The following RBFOX1 variants were observed in gnomAD, a reference collection of about 807,000 sequenced individuals.
RBFOX1 encodes the protein RNA binding fox-1 homolog 1, also known as RNA binding protein fox-1 homolog 1.
A neutral mutation model predicts 57.7 loss-of-function variants in RBFOX1; 8 were observed. The observed-to-expected ratio is 0.14, with a 90% CI of 0.08 to 0.25. RBFOX1 has a LOEUF of 0.25. Ranked by LOEUF, RBFOX1 falls within the 10% of genes least tolerant of loss-of-function variation. The pLI is 1.00. For missense variants in RBFOX1, 611 were observed against 548.5 expected, an observed-to-expected ratio of 1.11 and a Z score of -1.14; for synonymous variants, 326 against 222.4, an observed-to-expected ratio of 1.47 and a Z score of -4.15.
At chr16:6,948,998 A>T (rs2153519667) in intron 3 of RBFOX1, among the ~76,000 whole-genome samples, 1 of 152,268 alleles carries the variant, frequency 6.6e-6, no homozygotes, top group East Asian at 1.9e-4. Context: ...TTCTCAAAGG[A>T]AGGGATTCTC....
chr16:7,502,835 C>A (rs1487026211), intron 4 of RBFOX1, among the ~76,000 whole-genome samples: 4 of 151,926 alleles, frequency 2.6e-5, no homozygotes, highest in African/African-American at 4.8e-5. Context: ...CCAGCCTGGC[C>A]AACATGGTGA....
intron 4 of RBFOX1, among the ~76,000 whole-genome samples, chr16:7,134,535 A>G (rs2071383512): frequency 6.6e-6 from 1 of 152,028 alleles, no homozygotes; most frequent in Admixed American, 6.6e-5. Context: ...TTTGTTTTTA[A>G]TTTCATTCAC....
intron 3 of RBFOX1, among the ~76,000 whole-genome samples, chr16:5,728,062 T>A (rs1467117564): frequency 6.6e-6 from 1 of 152,220 alleles, no homozygotes; most frequent in East Asian, 1.9e-4. Context: ...TGTCTTTCTG[T>A]TATCTGGCTT....
In RBFOX1 at chr16:7,140,230, T is replaced by C. The variant is rs369901858; in HGVS notation, c.27+88132T>C. ...CCTCCCAATTTGTCCATTTTCTGAA[T>C]GGACAAATAAATTTTGTCCATTTTT... On this transcript the variant is annotated intron_variant, in intron 4 of 15. Transcript: ENST00000550418. Among the ~76,000 whole-genome samples the C allele has an allele frequency of 4.2e-5, 6 of 144,292 alleles. No individual in the cohort carries two copies. In the East Asian group the frequency reaches 1.2e-3, roughly 30 times the overall value. The allele number at this position is 144,292 out of a possible 152,430, so 94.7% of individuals were successfully genotyped here.
chr16:7,485,296 C>A (rs1274014667), intron 4 of RBFOX1, among the ~76,000 whole-genome samples: 3 of 152,224 alleles, frequency 2.0e-5, no homozygotes, highest in African/African-American at 4.8e-5. Flanking sequence ...CCAGGCAGAC[C>A]ACGCAGTGAC....
chr16:7,207,088 G>C (rs901564360), intron 4 of RBFOX1, among the ~76,000 whole-genome samples: 3 of 152,172 alleles, frequency 2.0e-5, no homozygotes, highest in Admixed American at 2.0e-4. Context: ...CTTTTGTACA[G>C]TTGGTAACTG....
At chr16:5,352,206 C>T (rs915083011) in intron 1 of RBFOX1, among the ~76,000 whole-genome samples, 3 of 152,150 alleles carry the variant, frequency 2.0e-5, no homozygotes, top group Non-Finnish European at 4.4e-5. Context: ...TGTGCTCCTC[C>T]GAACGCTGTG....
chr16:6,912,251 A>G (rs1414633508), intron 3 of RBFOX1, among the ~76,000 whole-genome samples: 1 of 152,204 alleles, frequency 6.6e-6, no homozygotes, highest in Non-Finnish European at 1.5e-5. Context: ...CGTCAGAAGC[A>G]CCTGCTGGCA....
chr16:5,544,294 G>GT (rs899158766), intron 2 of RBFOX1, among the ~76,000 whole-genome samples: 1 of 152,162 alleles, frequency 6.6e-6, no homozygotes, highest in Admixed American at 6.6e-5. Flanking sequence ...AAATTCTCAG[G>GT]TTTTTTGAAA....
chr16:7,415,307 G>C (rs2098467777), intron 4 of RBFOX1, among the ~76,000 whole-genome samples: 1 of 152,126 alleles, frequency 6.6e-6, no homozygotes, highest in Admixed American at 6.6e-5. Context: ...TATAATCCAA[G>C]ATAAATCCAT....
At chr16:5,560,242 C>T (rs1368021860) in intron 2 of RBFOX1, among the ~76,000 whole-genome samples, 2 of 152,194 alleles carry the variant, frequency 1.3e-5, no homozygotes, top group Non-Finnish European at 2.9e-5. Flanking sequence ...ATGTCACTTC[C>T]TCCAGAAAGC....
At chr16:6,742,990 A>C (rs571949696) in intron 3 of RBFOX1, among the ~76,000 whole-genome samples, 1 of 152,304 alleles carries the variant, frequency 6.6e-6, no homozygotes, top group African/African-American at 2.4e-5. Flanking sequence ...CATATAGTAC[A>C]ATATGATATT....
chr16:6,304,230 G>C (rs753382988), intron 1 of RBFOX1, among the ~76,000 whole-genome samples: 1 of 151,896 alleles, frequency 6.6e-6, no homozygotes, highest in African/African-American at 2.4e-5. Flanking sequence ...GGAGATTGCA[G>C]TGAGCCGAGA....
rs995611634 is a variant in RBFOX1 at position 5,748,533 on chromosome 16, ACTTT to A, written c.319-118765_319-118762del. ...TAAGTCTCTTTGTAGGTCTCTAAGG[ACTTT>A]CTTTATGAATGTGGGTGCTGTATTG... On this transcript the variant is annotated intron_variant, in intron 3 of 19. Coordinates refer to the RBFOX1 transcript ENST00000641259. 7.9e-4 allele frequency among the ~76,000 whole-genome samples: 120 copies of A among 152,114 alleles called. 2 individuals carry two copies. The highest frequency in any genetic ancestry group is 2.3e-3 in the Admixed American group (35 of 15,262).
At chr16:7,110,178 C>T (rs1320344473) in intron 4 of RBFOX1, among the ~76,000 whole-genome samples, 3 of 127,588 alleles carry the variant, frequency 2.4e-5, no homozygotes, top group African/African-American at 8.8e-5. Context: ...AGCGAGACCC[C>T]CCGTGTCTCA....
chr16:5,702,280 G>A (rs560524288), intron 3 of RBFOX1, among the ~76,000 whole-genome samples: 16 of 152,140 alleles, frequency 1.1e-4, no homozygotes, highest in Non-Finnish European at 1.8e-4. Flanking sequence ...TTCACATGCC[G>A]GCAGGAGATA....
At chr16:7,228,620 G>A (rs1603392550) in intron 4 of RBFOX1, among the ~76,000 whole-genome samples, 1 of 152,172 alleles carries the variant, frequency 6.6e-6, no homozygotes, top group African/African-American at 2.4e-5. Flanking sequence ...TTCAAATCTT[G>A]GGCTAGAAGG....
chr16:5,949,916 T>A (rs1241690132), intron 4 of RBFOX1, among the ~76,000 whole-genome samples: 1 of 152,210 alleles, frequency 6.6e-6, no homozygotes, highest in Non-Finnish European at 1.5e-5. Flanking sequence ...TGTCTCATAA[T>A]CTGGGCCTCT....
At chr16:7,126,554 C>CGCTGGGCA in intron 4 of RBFOX1, 1 of 212,170 alleles carries the variant, frequency 4.7e-6, no homozygotes, top group Non-Finnish European at 1.0e-5. Flanking sequence ...TTTGGGCACG[C>CGCTGGGCA]GCTGGGCACA....
Sources: gnomAD v4.1 joint callset for allele counts (sites outside exome capture counted in the v4.1 genomes callset) on GRCh38, gnomAD v4.1.1 for gene constraint, MANE v1.5 for transcripts, NCBI Gene and HGNC (gene_info 2026-07-23, HGNC 2026-07-21) for gene names.